The following CFAP47 variants were observed in gnomAD, a reference collection of about 807,000 sequenced individuals.
The protein encoded by CFAP47 is cilia- and flagella-associated protein 47.
In CFAP47, 29 loss-of-function variants were observed where a neutral mutation model predicts 148.1. The observed-to-expected ratio is 0.20, with a 90% CI of 0.15 to 0.27. CFAP47 has a LOEUF of 0.27. CFAP47 is among the 10% of genes least tolerant of loss of function. The probability of loss-of-function intolerance (pLI) is 1.00; values close to 1 mark genes in which losing one functional copy is unlikely to be tolerated. For missense variants in CFAP47, 1,872 were observed against 1,697.5 expected (o/e 1.10, Z -1.81); for synonymous variants, 664 against 577.3 (o/e 1.15, Z -2.15).
intron 39 of CFAP47, among the ~76,000 whole-genome samples, chrX:36,165,130 C>CT (rs1423270657): frequency 2.7e-5 from 3 of 111,869 alleles, no homozygotes; most frequent in Non-Finnish European, 5.6e-5. Flanking sequence ...AAGACTTCCT[C>CT]TTTTTTTAGT....
At chrX:36,340,121 A>C (rs2146978003) in intron 57 of CFAP47, among the ~76,000 whole-genome samples, 1 of 112,033 alleles carries the variant, frequency 8.9e-6, no homozygotes, top group African/African-American at 3.2e-5. Context: ...AGAAAAATGT[A>C]ATCCCTTAAA....
At chrX:36,226,106 T>G (rs1555991487) in intron 45 of CFAP47, among the ~76,000 whole-genome samples, 2 of 111,765 alleles carry the variant, frequency 1.8e-5, no homozygotes, top group Non-Finnish European at 3.8e-5. Flanking sequence ...TTTTGATCAA[T>G]TTTTGGTTTG....
chrX:35,955,208 C>T (rs954198192), intron 7 of CFAP47, among the ~76,000 whole-genome samples: 2 of 111,855 alleles, frequency 1.8e-5, no homozygotes, highest in Admixed American at 1.9e-4. Context: ...AAACAGAACT[C>T]CTGATTTTTC....
chrX:36,061,784 A>C (rs925700372), intron 26 of CFAP47, among the ~76,000 whole-genome samples: 2 of 111,923 alleles, frequency 1.8e-5, no homozygotes, highest in Non-Finnish European at 3.8e-5. Context: ...GTCTTTACCT[A>C]AATGCTATAT....
intron 36 of CFAP47, among the ~76,000 whole-genome samples, chrX:36,146,052 T>C (rs1226599244): frequency 9.0e-6 from 1 of 111,459 alleles, no homozygotes; most frequent in African/African-American, 3.3e-5. Flanking sequence ...TAAAACTCCA[T>C]AGAATTCAGT....
At chrX:35,974,174 T>G (rs138703228) in intron 13 of CFAP47, among the ~76,000 whole-genome samples, 1 of 111,748 alleles carries the variant, frequency 8.9e-6, no homozygotes, top group African/African-American at 3.3e-5. Context: ...TTTTACCAGG[T>G]GGTTAGCATC....
At chrX:36,060,327 A>G (rs1937584346) in intron 26 of CFAP47, among the ~76,000 whole-genome samples, 1 of 111,873 alleles carries the variant, frequency 8.9e-6, no homozygotes, top group African/African-American at 3.2e-5. Flanking sequence ...CAGCATTAAA[A>G]ATCTGTTATA....
intron 49 of CFAP47, among the ~76,000 whole-genome samples, chrX:36,256,687 G>T (rs1291470081): frequency 9.0e-6 from 1 of 111,617 alleles, no homozygotes; most frequent in Non-Finnish European, 1.9e-5. Flanking sequence ...GATACTTCTA[G>T]GGATCCCTTT....
chrX:35,960,232 G>A (rs1488059357), intron 8 of CFAP47, among the ~76,000 whole-genome samples: 1 of 106,894 alleles, frequency 9.4e-6, no homozygotes, highest in African/African-American at 3.4e-5. Context: ...GAGCCACTGC[G>A]CCCGGCCTGT....
intron 2 of CFAP47, 47 bp downstream of exon 2, chrX:35,926,215 A>C: frequency 9.9e-7 from 1 of 1,013,419 alleles, no homozygotes; most frequent in Non-Finnish European, 1.3e-6. Flanking sequence ...TACTCTTTAA[A>C]TAAAAATGAG....
chrX:36,214,631 T>G (rs190335702), intron 45 of CFAP47, among the ~76,000 whole-genome samples: 1 of 111,057 alleles, frequency 9.0e-6, no homozygotes, highest in East Asian at 2.8e-4. Context: ...GTTTATTTAT[T>G]TATTTATTTT....
chrX:36,368,688 C>A (rs1024959629), intron 62 of CFAP47, among the ~76,000 whole-genome samples: 1 of 111,235 alleles, frequency 9.0e-6, no homozygotes, highest in African/African-American at 3.3e-5. Flanking sequence ...GGACTTTTAG[C>A]TATATATTTT....
rs782175945 is a variant in CFAP47, at chrX:36,371,751, TACACAC to T, written c.9185+4626_9185+4631del. Reference sequence around the variant, plus strand: ...ACATGTGTGTATATATGTGTGTATATACACACATGTGTGTATATACACACATGTGTA... The same window carrying T: ...ACATGTGTGTATATATGTGTGTATATATGTGTGTATATACACACATGTGTA... On this transcript the variant is annotated intron_variant, in intron 62 of 63. Transcript: ENST00000378653. Among the ~76,000 whole-genome samples the T allele has an allele frequency of 1.0e-4, 6 of 59,632 alleles. 1 individual carries two copies. The highest frequency in any genetic ancestry group is 3.4e-4 in the African/African-American group (4 of 11,617). The allele number at this position is 59,632 out of a possible 115,157, so 51.8% of individuals were successfully genotyped here. A position where few individuals can be genotyped will look rare whatever the true frequency, so the allele number is the denominator to read the frequency against.
intron 51 of CFAP47, among the ~76,000 whole-genome samples, chrX:36,289,475 C>A (rs186799439): frequency 1.8e-5 from 2 of 109,604 alleles, no homozygotes; most frequent in Non-Finnish European, 3.8e-5. Context: ...TTTTTTAATC[C>A]GGAAAAAATA....
chrX:35,937,943 T>A (rs1007178998), intron 2 of CFAP47, among the ~76,000 whole-genome samples: 1 of 111,768 alleles, frequency 8.9e-6, no homozygotes, highest in African/African-American at 3.2e-5. Context: ...AGTGCCCTAG[T>A]TGGTAGATGA....
At chrX:36,384,069 G>A (rs1031807398) in intron 63 of CFAP47, among the ~76,000 whole-genome samples, 5 of 111,716 alleles carry the variant, frequency 4.5e-5, no homozygotes, top group South Asian at 3.7e-4. Flanking sequence ...GGCTGGGTGC[G>A]GTGGCTCAAG....
chrX:35,921,542 A>G (rs762304518), intron 1 of CFAP47, among the ~76,000 whole-genome samples: 29 of 111,959 alleles, frequency 2.6e-4, no homozygotes, highest in African/African-American at 7.4e-4. Context: ...GGACACTTGT[A>G]TGGATGGTTT....
At chrX:36,044,734 C>T (rs1467753291) in intron 25 of CFAP47, among the ~76,000 whole-genome samples, 1 of 112,049 alleles carries the variant, frequency 8.9e-6, no homozygotes, top group Non-Finnish European at 1.9e-5. Flanking sequence ...AATTTTCACT[C>T]ATCTTCCTGT....
chrX:35,951,416 A>G, intron 5 of CFAP47, 57 bp downstream of exon 5: 1 of 747,991 alleles, frequency 1.3e-6, no homozygotes, highest in East Asian at 3.4e-5. Flanking sequence ...AGATTGTGTT[A>G]AATCTAATAA....
Sources: gnomAD v4.1 joint callset for allele counts (sites outside exome capture counted in the v4.1 genomes callset) on GRCh38, gnomAD v4.1.1 for gene constraint, MANE v1.5 for transcripts, NCBI Gene and HGNC (gene_info 2026-07-23, HGNC 2026-07-21) for gene names.